Variants in SIM1 observed in about 807,000 individuals in gnomAD.
The protein encoded by SIM1 is SIM bHLH transcription factor 1, also known as single-minded homolog 1.
In SIM1, 18 loss-of-function variants were observed where a neutral mutation model predicts 78.2. The observed-to-expected ratio is 0.23, with a 90% CI of 0.16 to 0.34. The LOEUF (loss-of-function observed/expected upper bound fraction) is 0.34, where lower values mean the gene tolerates loss of function less well. Among genes scored for constraint, SIM1 ranks in the 10% least tolerant of loss-of-function variants. The pLI is 1.00. For missense variants in SIM1, 939 were observed against 975.1 expected, an observed-to-expected ratio of 0.96 and a Z score of 0.49; for synonymous variants, 417 against 385.2, an observed-to-expected ratio of 1.08 and a Z score of -0.97.
intron 11 of SIM1, among the ~76,000 whole-genome samples, chr6:100,391,880 G>A (rs1770647498): frequency 6.6e-6 from 1 of 152,054 alleles, no homozygotes; most frequent in South Asian, 2.1e-4. Context: ...TTGAAGTAAG[G>A]TAAAGAATAA....
At chr6:100,400,083 C>T (rs1029216264) in intron 10 of SIM1, among the ~76,000 whole-genome samples, 3 of 151,926 alleles carry the variant, frequency 2.0e-5, no homozygotes, top group Non-Finnish European at 4.4e-5. Context: ...AATATTTATG[C>T]ACCAAATAAC....
intron 10 of SIM1, among the ~76,000 whole-genome samples, chr6:100,395,267 C>T (rs901196714): frequency 2.6e-5 from 4 of 151,782 alleles, no homozygotes; most frequent in Non-Finnish European, 2.9e-5. Flanking sequence ...ATATACATTC[C>T]ATATACATTT....
intron 9 of SIM1, among the ~76,000 whole-genome samples, chr6:100,423,898 C>T (rs1055923229): frequency 5.9e-5 from 9 of 152,142 alleles, no homozygotes; most frequent in African/African-American, 2.2e-4. Flanking sequence ...TTAGTTCCTG[C>T]TTGACAGGAT....
intron 10 of SIM1, among the ~76,000 whole-genome samples, chr6:100,410,441 C>G (rs974264061): frequency 6.6e-6 from 1 of 152,174 alleles, no homozygotes; most frequent in Admixed American, 6.5e-5. Flanking sequence ...TCCCCAGATC[C>G]AAACCACACT....
At chr6:100,442,019 C>G (rs1247179750) in intron 9 of SIM1, among the ~76,000 whole-genome samples, 1 of 152,184 alleles carries the variant, frequency 6.6e-6, no homozygotes, top group Non-Finnish European at 1.5e-5. Context: ...TCTGGCTTCA[C>G]TACTTACTCA....
At chr6:100,447,452 G>A (rs1161572480) in intron 8 of SIM1, 37 bp from the exon 9 acceptor site, 1 of 1,613,338 alleles carries the variant, frequency 6.2e-7, no homozygotes, top group South Asian at 1.1e-5. Context: ...TGGTGAACCA[G>A]CCTGCCTGGG....
chr6:100,433,346 A>C (rs1771950699), intron 9 of SIM1, among the ~76,000 whole-genome samples: 3 of 152,002 alleles, frequency 2.0e-5, no homozygotes, highest in Non-Finnish European at 4.4e-5. Flanking sequence ...GTTCCTCAAC[A>C]TGCCAAGCAG....
At chr6:100,456,689 C>T (rs1269378460) in intron 2 of SIM1, among the ~76,000 whole-genome samples, 3 of 152,300 alleles carry the variant, frequency 2.0e-5, no homozygotes, top group Middle Eastern at 3.4e-3. Flanking sequence ...CCCCCTCTTC[C>T]CTTAAAGTCT....
At chr6:100,413,764 C>T (rs1330259948) in intron 10 of SIM1, among the ~76,000 whole-genome samples, 1 of 152,176 alleles carries the variant, frequency 6.6e-6, no homozygotes, top group Non-Finnish European at 1.5e-5. Context: ...CCATAAATAT[C>T]TATTTTATAC....
intron 9 of SIM1, among the ~76,000 whole-genome samples, chr6:100,439,296 G>A (rs1447661964): frequency 1.3e-5 from 2 of 152,078 alleles, no homozygotes; most frequent in East Asian, 3.8e-4. Context: ...ATGTATATAG[G>A]TCATTGACCC....
intron 8 of SIM1, among the ~76,000 whole-genome samples, chr6:100,447,634 T>C (rs1772391489): frequency 6.6e-6 from 1 of 152,118 alleles, no homozygotes; most frequent in South Asian, 2.1e-4. Context: ...GATACAGGGG[T>C]GGCCAGATGT....
rs1771035802 is a variant in SIM1, at chr6:100,405,699, TG to T, written c.1168-11811del. The stretch of plus-strand genomic sequence containing the variant: ...TTAAAAATATGCCTCAAATGTGGTT[TG>T]AAATGTCACAGGCCTTCTCTTAATC... On this transcript the variant is annotated intron_variant, in intron 10 of 11. Transcript: ENST00000369208. 2.6e-5 allele frequency among the ~76,000 whole-genome samples: 4 copies of T among 152,344 alleles called. No individual in the cohort carries two copies. In the South Asian group the frequency reaches 8.3e-4, roughly 32 times the overall value.
At chr6:100,461,366 T>G (rs1772838051) in intron 2 of SIM1, among the ~76,000 whole-genome samples, 1 of 151,774 alleles carries the variant, frequency 6.6e-6, no homozygotes, top group African/African-American at 2.4e-5. Flanking sequence ...TGCCCCCGGG[T>G]CTACACCAAG....
At chr6:100,396,078 A>G (rs1003511031) in intron 10 of SIM1, 2 of 984,668 alleles carry the variant, frequency 2.0e-6, no homozygotes, top group African/African-American at 3.5e-5. Context: ...TCCGCATGCC[A>G]TCATCCTCTT....
chr6:100,460,093 T>C (rs916811326), intron 2 of SIM1, among the ~76,000 whole-genome samples: 6 of 152,220 alleles, frequency 3.9e-5, no homozygotes, highest in Admixed American at 3.9e-4. Context: ...AAATCTCCAA[T>C]CTAATGCTTT....
intron 9 of SIM1, among the ~76,000 whole-genome samples, chr6:100,438,618 C>T (rs1772121912): frequency 6.6e-6 from 1 of 152,154 alleles, no homozygotes; most frequent in South Asian, 2.1e-4. Context: ...TGGGTATCTA[C>T]CCAAAGGAAA....
chr6:100,420,871 G>T lies in SIM1; in HGVS notation c.1086C>A (p.Pro362=), dbSNP rs139960143. 7 of 1,613,862 alleles carry T rather than the reference G, an allele frequency of 4.3e-6. No individual in the cohort carries two copies. Among genetic ancestry groups the T allele is most frequent in the Admixed American group, 1.7e-5 (1 of 59,980 alleles). ...PAFSYTSSST[P]TMTDNRKGAK... is the part of the protein sequence containing the mutation. ...CCCCCTTTCTGTTGTCAGTCATGGT[G>T]GGGGTGGAGCTGCTGGTATAGGAGA... Residue 362 remains proline, a synonymous_variant, in exon 10 of 12, where the codon CCC becomes CCA. Coordinates refer to ENST00000369208, the MANE Select transcript of SIM1 (RefSeq NM_005068.3).
intron 2 of SIM1, among the ~76,000 whole-genome samples, chr6:100,457,811 C>G (rs2114553958): frequency 6.6e-6 from 1 of 152,250 alleles, no homozygotes; most frequent in South Asian, 2.1e-4. Context: ...AGGGCATCGG[C>G]GAGCGCGCCG....
chr6:100,448,789 G>T, intron 6 of SIM1, 111 bp from the exon 7 acceptor site: 1 of 927,240 alleles, frequency 1.1e-6, no homozygotes, highest in Non-Finnish European at 1.6e-6. Context: ...AAGCAGTGCT[G>T]ACCACGCCCG....
Sources: allele counts gnomAD v4.1 joint callset (sites outside exome capture counted in the v4.1 genomes callset), GRCh38; gene constraint gnomAD v4.1.1; transcripts MANE v1.5; gene names NCBI Gene and HGNC (gene_info 2026-07-23, HGNC 2026-07-21).